Variants in FER1L6 observed in about 807,000 individuals in gnomAD.
The protein encoded by FER1L6 is fer-1-like protein 6.
In FER1L6, 177 loss-of-function variants were observed where a neutral mutation model predicts 219.2. The ratio of observed to expected loss-of-function variants is 0.81; its 90% CI spans 0.71 to 0.91. FER1L6 has a LOEUF of 0.91. FER1L6 is among the 40% of genes least tolerant of loss of function. The pLI is 0.00. For synonymous variants in FER1L6, 768 were observed against 824.3 expected, an observed-to-expected ratio of 0.93 and a Z score of 1.17; for missense variants, 2,153 against 2,259.9, an observed-to-expected ratio of 0.95 and a Z score of 0.96.
chr8:123,970,151 A>G lies in FER1L6; in HGVS notation c.447+54A>G, dbSNP rs116660769. ...TGGAGAGGTGGGAGACATTTTGGGC[A>G]TTGGGGACTCTCTGGGACAACTCAG... On this transcript the variant is annotated intron_variant, in intron 6 of 40. Transcript: ENST00000522917. The G allele has an allele frequency of 7.9e-4, 1,194 of 1,504,774 alleles. 6 individuals carry two copies. The African/African-American group carries it at 0.013, about 17-fold the overall frequency. The allele number at this position is 1,504,774 out of a possible 1,614,324, so 93.2% of individuals were successfully genotyped here. A position where few individuals can be genotyped will look rare whatever the true frequency, so the allele number is the denominator to read the frequency against.
intron 39 of FER1L6, 45 bp downstream of exon 39, chr8:124,103,354 G>T: frequency 6.3e-7 from 1 of 1,577,542 alleles, no homozygotes; most frequent in Non-Finnish European, 8.7e-7. Context: ...GGAAGTTGGG[G>T]GCATCATGCT....
intron 22 of FER1L6, 139 bp downstream of exon 22, chr8:124,049,895 G>A: frequency 1.2e-6 from 1 of 839,920 alleles, no homozygotes; most frequent in Non-Finnish European, 1.9e-6. Flanking sequence ...CTGGGGACCT[G>A]AGAGGTGCGC....
intron 28 of FER1L6, among the ~76,000 whole-genome samples, chr8:124,068,495 G>C (rs987866002): frequency 1.3e-5 from 2 of 152,300 alleles, no homozygotes. Flanking sequence ...GTATCAGGTG[G>C]TTTCTCCCCT....
chr8:123,924,461 G>A (rs1813486996), intron 1 of FER1L6, among the ~76,000 whole-genome samples: 1 of 151,814 alleles, frequency 6.6e-6, no homozygotes, highest in Admixed American at 6.6e-5. Context: ...AGAATCGCTT[G>A]AACCCGGGAG....
intron 1 of FER1L6, among the ~76,000 whole-genome samples, chr8:123,854,031 G>A (rs1295838595): frequency 6.6e-6 from 1 of 152,162 alleles, no homozygotes; most frequent in Non-Finnish European, 1.5e-5. Context: ...GTAAAGGCCT[G>A]TGTGACTTCT....
intron 33 of FER1L6, among the ~76,000 whole-genome samples, chr8:124,082,952 A>G (rs1204702607): frequency 6.6e-6 from 1 of 151,928 alleles, no homozygotes; most frequent in Non-Finnish European, 1.5e-5. Context: ...CTTTTTTCAA[A>G]TGTATCTTTA....
At chr8:124,083,822 T>C (rs1369887761) in intron 33 of FER1L6, among the ~76,000 whole-genome samples, 1 of 152,192 alleles carries the variant, frequency 6.6e-6, no homozygotes, top group African/African-American at 2.4e-5. Context: ...TCATTGGTAT[T>C]TTGATAGAGA....
At chr8:123,937,062 T>C (rs1396038884) in intron 1 of FER1L6, among the ~76,000 whole-genome samples, 3 of 152,122 alleles carry the variant, frequency 2.0e-5, no homozygotes, top group African/African-American at 7.2e-5. Flanking sequence ...CCCACCACCA[T>C]GCCCGGCTAA....
At position 124,060,546 on chromosome 8, in the gene FER1L6, A is replaced by G. The variant is rs781060689; in HGVS notation, c.2986-2A>G. On this transcript the variant is annotated splice_acceptor_variant, in intron 23 of 40. Transcript: ENST00000522917. LOFTEE classifies it high-confidence loss of function. ...TGATGGCTCTGCTGGTCTTTTCCTC[A>G]GGTTCTCTTCTGGGGAGTTCGGGAA... 12 of 1,613,512 alleles carry G rather than the reference A, an allele frequency of 7.4e-6. No individual in the cohort carries two copies. Among genetic ancestry groups the G allele is most frequent in the East Asian group, 6.7e-5 (3 of 44,856 alleles).
intron 1 of FER1L6, among the ~76,000 whole-genome samples, chr8:123,932,345 G>T (rs555198913): frequency 6.6e-6 from 1 of 152,264 alleles, no homozygotes; most frequent in Non-Finnish European, 1.5e-5. Flanking sequence ...CTGACCTCAG[G>T]TGATCCACCT....
At position 124,010,725 on chromosome 8, in the gene FER1L6, C is replaced by CT. The variant is rs1563741662; in HGVS notation, c.1821+12dup. Reference sequence around the variant, plus strand: ...ATGGCAGACTTCCTGGTAGGTGACTCTGACAGGTGATGGATTAGAGAATTG... The same window carrying CT: ...ATGGCAGACTTCCTGGTAGGTGACTCTTGACAGGTGATGGATTAGAGAATTG... On this transcript the variant is annotated intron_variant, in intron 14 of 40. Coordinates refer to ENST00000522917, the MANE Select transcript of FER1L6 (RefSeq NM_001039112.2). The CT allele has an allele frequency of 1.9e-6, 3 of 1,612,460 alleles. No homozygotes were observed. The highest frequency in any genetic ancestry group is 1.8e-4 in the Middle Eastern group (1 of 5,538).
At chr8:123,924,137 AG>A (rs1435752819) in intron 1 of FER1L6, among the ~76,000 whole-genome samples, 27 of 145,610 alleles carry the variant, frequency 1.9e-4, no homozygotes, top group Admixed American at 1.8e-3. Flanking sequence ...CCAGAGGCTG[AG>A]GCAGGAGAAT....
chr8:124,093,921 G>T (rs1822163018), intron 34 of FER1L6, among the ~76,000 whole-genome samples: 1 of 128,992 alleles, frequency 7.8e-6, no homozygotes, highest in South Asian at 2.3e-4. Context: ...GGGCACTGTG[G>T]CCCCTTTTTT....
chr8:123,925,474 T>G (rs1813528992), intron 1 of FER1L6, among the ~76,000 whole-genome samples: 1 of 152,196 alleles, frequency 6.6e-6, no homozygotes, highest in South Asian at 2.1e-4. Flanking sequence ...ATATCAGCTA[T>G]AAGGCACCAG....
intron 1 of FER1L6, among the ~76,000 whole-genome samples, chr8:123,916,460 G>T (rs560909598): frequency 1.3e-5 from 2 of 152,198 alleles, no homozygotes; most frequent in African/African-American, 4.8e-5. Context: ...CCATATGTTT[G>T]CCCTACTCTC....
At chr8:123,870,929 A>G (rs1816912567) in intron 1 of FER1L6, among the ~76,000 whole-genome samples, 1 of 152,216 alleles carries the variant, frequency 6.6e-6, no homozygotes, top group African/African-American at 2.4e-5. Context: ...TGTTGACTAA[A>G]GGCAAAAGTA....
intron 12 of FER1L6, among the ~76,000 whole-genome samples, chr8:123,988,800 T>C (rs1816713626): frequency 1.3e-5 from 2 of 152,234 alleles, no homozygotes. Flanking sequence ...TCATTTCCTA[T>C]TTGGATGCCC....
At chr8:123,953,506 T>C (rs1814870536) in intron 1 of FER1L6, among the ~76,000 whole-genome samples, 1 of 152,146 alleles carries the variant, frequency 6.6e-6, no homozygotes. Flanking sequence ...CAGGGGTGCC[T>C]GTCTCTACAA....
rs1412345101 is a variant in FER1L6, at chr8:124,119,845, G to C, written c.*55G>C. On this transcript the variant is annotated 3_prime_UTR_variant, in exon 41 of 41. Coordinates refer to ENST00000522917, the MANE Select transcript of FER1L6 (RefSeq NM_001039112.2). ...TATACTAATCCTCTCTTCCTTATCT[G>C]GGAGCATCTAAGAACATGTCCCATG... The C allele has an allele frequency of 2.5e-6, 4 of 1,571,722 alleles. No individual in the cohort carries two copies. The highest frequency in any genetic ancestry group is 3.5e-6 in the Non-Finnish European group (4 of 1,155,620).
Sources: allele counts gnomAD v4.1 joint callset (sites outside exome capture counted in the v4.1 genomes callset), GRCh38; gene constraint gnomAD v4.1.1; transcripts MANE v1.5; gene names NCBI Gene and HGNC (gene_info 2026-07-23, HGNC 2026-07-21).